NUTF2: variants seen among roughly 807,000 people sequenced by gnomAD.
NUTF2 encodes nuclear transport factor 2.
NUTF2 carries 3 observed loss-of-function variants against 18.5 expected under a neutral mutation model. The ratio of observed to expected loss-of-function variants is 0.16; its 90% CI spans 0.07 to 0.42. The LOEUF is 0.42. Among genes scored for constraint, NUTF2 ranks in the 10% least tolerant of loss-of-function variants. NUTF2 has a pLI of 0.99. For missense variants in NUTF2, 44 were observed against 160.7 expected, an observed-to-expected ratio of 0.27 and a Z score of 3.93; for synonymous variants, 51 against 57.9, an observed-to-expected ratio of 0.88 and a Z score of 0.54.
intron 1 of NUTF2, among the ~76,000 whole-genome samples, chr16:67,851,429 C>G (rs1476637807): frequency 6.7e-6 from 1 of 150,270 alleles, no homozygotes; most frequent in Non-Finnish European, 1.5e-5. Flanking sequence ...TGCAGTGAGC[C>G]AAGATTGTGC....
Position 67,868,585 on chromosome 16 carries a change from G to C in NUTF2, c.256G>C (p.Val86Leu), listed in dbSNP as rs1378555664. Residue 86 changes from valine (V) to leucine (L), a missense_variant, in exon 4 of 5, where the codon GTG becomes CTG. Physicochemically the swap from Val to Leu is conservative, Grantham distance 32. Transcript: ENST00000219169. ...TPDSCIISMV[V>L]GQLKADEDPI... ...AGATAGCTGCATCATCAGCATGGTT[G>C]TGGGCCAGCTTAAGGTAATGGTACT... 13 of 1,613,856 alleles carry C rather than the reference G, an allele frequency of 8.1e-6. No individual in the cohort carries two copies. The highest frequency in any genetic ancestry group is 1.1e-5 in the Non-Finnish European group (13 of 1,179,970).
chr16:67,858,874 C>CT (rs1207363589), intron 1 of NUTF2, among the ~76,000 whole-genome samples: 2,565 of 140,214 alleles, frequency 0.018, 54 homozygotes, highest in African/African-American at 0.046. Flanking sequence ...CTTCAGGACA[C>CT]TTTTTTTTTT....
chr16:67,851,009 C>T (rs1226069362), intron 1 of NUTF2, among the ~76,000 whole-genome samples: 1 of 151,886 alleles, frequency 6.6e-6, no homozygotes, highest in Non-Finnish European at 1.5e-5. Flanking sequence ...CCATATTGGC[C>T]AGGCTAGTCT....
Position 67,867,419 on chromosome 16 carries a change from T to C in NUTF2, c.100-921T>C, listed in dbSNP as rs554529120. Among the ~76,000 whole-genome samples, 3 of 152,346 alleles carry C rather than the reference T, an allele frequency of 2.0e-5. No individual in the cohort carries two copies. The East Asian group carries it at 5.8e-4, about 29-fold the overall frequency. Reference sequence around the variant, plus strand: ...ACTCAGAGAAATAACTTACTTAATGTCACAGCTAGTAAGCAGCAGAAGCCC... The same window carrying C: ...ACTCAGAGAAATAACTTACTTAATGCCACAGCTAGTAAGCAGCAGAAGCCC... On this transcript the variant is annotated intron_variant, in intron 2 of 4. Transcript: ENST00000219169.
At chr16:67,850,875 A>C (rs1429224812) in intron 1 of NUTF2, among the ~76,000 whole-genome samples, 1 of 151,868 alleles carries the variant, frequency 6.6e-6, no homozygotes, top group Non-Finnish European at 1.5e-5. Context: ...ATCTCAGCTC[A>C]CTGCAACCTC....
chr16:67,847,220 C>G (rs2057809995), intron 1 of NUTF2: 1 of 152,216 alleles, frequency 6.6e-6, no homozygotes, highest in Non-Finnish European at 1.5e-5. Flanking sequence ...CTATCTGGGC[C>G]GTACCGTGCT....
intron 1 of NUTF2, among the ~76,000 whole-genome samples, chr16:67,851,793 A>G (rs1481986069): frequency 6.6e-6 from 1 of 152,020 alleles, no homozygotes; most frequent in Non-Finnish European, 1.5e-5. Context: ...AGGTGGGTGG[A>G]TTACTTGAGG....
chr16:67,861,443 G>GGCT (rs2057934996), intron 1 of NUTF2, among the ~76,000 whole-genome samples: 1 of 152,216 alleles, frequency 6.6e-6, no homozygotes, highest in South Asian at 2.1e-4. Context: ...TGGGATCTAT[G>GGCT]GCTGAACAGT....
At chr16:67,869,084 CTT>C (rs71721636) in intron 4 of NUTF2, among the ~76,000 whole-genome samples, 7,161 of 135,758 alleles carry the variant, frequency 0.053, 492 homozygotes, top group African/African-American at 0.18. Context: ...ACTCCTATTT[CTT>C]TTTTTTTTTT....
At chr16:67,869,337 G>A (rs1189125088) in intron 4 of NUTF2, among the ~76,000 whole-genome samples, 3 of 150,194 alleles carry the variant, frequency 2.0e-5, no homozygotes, top group African/African-American at 2.4e-5. Context: ...CACCTGCCTC[G>A]GCCTCCCAAA....
intron 2 of NUTF2, among the ~76,000 whole-genome samples, chr16:67,867,076 A>G (rs2057978532): frequency 6.6e-6 from 1 of 151,676 alleles, no homozygotes; most frequent in Non-Finnish European, 1.5e-5. Flanking sequence ...GGTTCAAGCA[A>G]TTCTCATGCC....
chr16:67,856,970 G>C (rs1444336366), intron 1 of NUTF2, among the ~76,000 whole-genome samples: 2 of 152,226 alleles, frequency 1.3e-5, no homozygotes, highest in Non-Finnish European at 2.9e-5. Flanking sequence ...TCAAGTGAGA[G>C]AATACAGAAG....
intron 1 of NUTF2, among the ~76,000 whole-genome samples, chr16:67,859,000 CT>C (rs200602282): frequency 0.16 from 22,767 of 146,240 alleles, 1,903 homozygotes; most frequent in African/African-American, 0.22. Flanking sequence ...CTATGTCCAG[CT>C]TTTTTTTTTT....
chr16:67,848,612 T>C (rs2057826301), intron 1 of NUTF2, among the ~76,000 whole-genome samples: 1 of 150,664 alleles, frequency 6.6e-6, no homozygotes, highest in South Asian at 2.1e-4. Flanking sequence ...TGTGGTGGCG[T>C]GCACCTGTAA....
chr16:67,866,611 A>G (rs1185473384), intron 2 of NUTF2, among the ~76,000 whole-genome samples: 2 of 152,062 alleles, frequency 1.3e-5, no homozygotes, highest in South Asian at 4.1e-4. Context: ...GACTACAGGC[A>G]CGTGTTGCCA....
intron 1 of NUTF2, among the ~76,000 whole-genome samples, chr16:67,858,758 T>C (rs1166787477): frequency 3.3e-5 from 5 of 152,102 alleles, no homozygotes; most frequent in African/African-American, 1.2e-4. Context: ...CCAGGTGCCA[T>C]GGGACAGAAT....
intron 1 of NUTF2, among the ~76,000 whole-genome samples, chr16:67,854,100 G>A (rs1409813532): frequency 6.6e-6 from 1 of 152,218 alleles, no homozygotes; most frequent in African/African-American, 2.4e-5. Context: ...ACAGGCACGC[G>A]CCACCACGCC....
At chr16:67,864,135 A>G (rs1023826448) in intron 1 of NUTF2, among the ~76,000 whole-genome samples, 1 of 152,204 alleles carries the variant, frequency 6.6e-6, no homozygotes, top group African/African-American at 2.4e-5. Flanking sequence ...TATCCTAGAA[A>G]GGGCCAGGTC....
intron 1 of NUTF2, among the ~76,000 whole-genome samples, chr16:67,851,663 C>G (rs1167355896): frequency 1.3e-4 from 20 of 152,088 alleles, no homozygotes; most frequent in Non-Finnish European, 5.9e-5. Context: ...CCCGCTACCC[C>G]CGCCCCAGGA....
Sources: gnomAD v4.1 joint callset for allele counts (sites outside exome capture counted in the v4.1 genomes callset) on GRCh38, gnomAD v4.1.1 for gene constraint, MANE v1.5 for transcripts, NCBI Gene and HGNC (gene_info 2026-07-23, HGNC 2026-07-21) for gene names.